TNFRSF19: variants seen among roughly 807,000 people sequenced by gnomAD.
TNFRSF19 encodes tumor necrosis factor receptor superfamily member 19.
Under a neutral mutation model 46.4 loss-of-function variants are expected in TNFRSF19, and 27 were observed. That is an observed-to-expected ratio of 0.58 (90% CI 0.43 to 0.80). The LOEUF is 0.80. Among genes scored for constraint, TNFRSF19 ranks in the 30% least tolerant of loss-of-function variants. The probability of loss-of-function intolerance (pLI) is 0.00; values close to 1 mark genes in which losing one functional copy is unlikely to be tolerated. For missense variants in TNFRSF19, 511 were observed against 530.8 expected (o/e 0.96, Z 0.37); for synonymous variants, 204 against 205.0 (o/e 1.00, Z 0.04).
intron 5 of TNFRSF19, among the ~76,000 whole-genome samples, chr13:23,637,141 T>C (rs1245710693): frequency 6.6e-6 from 1 of 152,182 alleles, no homozygotes; most frequent in Non-Finnish European, 1.5e-5. Flanking sequence ...TCATGAGTGT[T>C]TTCTATGATT....
At chr13:23,649,615 C>A (rs1014544440) in intron 5 of TNFRSF19, among the ~76,000 whole-genome samples, 10 of 151,328 alleles carry the variant, frequency 6.6e-5, no homozygotes, top group Non-Finnish European at 1.2e-4. Context: ...GTTTTTTTTC[C>A]CATAATGTTT....
intron 9 of TNFRSF19, 70 bp downstream of exon 9, chr13:23,669,167 A>G (rs770765824): frequency 2.0e-6 from 3 of 1,525,164 alleles, no homozygotes; most frequent in Non-Finnish European, 2.6e-6. Context: ...TGTTCCCAGC[A>G]TAAGATTTGG....
intron 4 of TNFRSF19, among the ~76,000 whole-genome samples, chr13:23,622,618 G>C (rs1358153493): frequency 6.6e-6 from 1 of 152,068 alleles, no homozygotes; most frequent in Non-Finnish European, 1.5e-5. Flanking sequence ...ATGTTAAGTA[G>C]TGTCTATGCT....
At chr13:23,626,119 G>T (rs1386627994) in intron 4 of TNFRSF19, among the ~76,000 whole-genome samples, 1 of 151,060 alleles carries the variant, frequency 6.6e-6, no homozygotes, top group Non-Finnish European at 1.5e-5. Flanking sequence ...TTCAATCTTT[G>T]TTTGCCCGTT....
intron 7 of TNFRSF19, 100 bp downstream of exon 7, chr13:23,660,590 T>A: frequency 1.4e-6 from 2 of 1,382,800 alleles, no homozygotes; most frequent in Non-Finnish European, 9.6e-7. Context: ...GCGAGGTGGC[T>A]GTGTTGAGTC....
chr13:23,661,372 T>A (rs912848797), intron 7 of TNFRSF19, among the ~76,000 whole-genome samples: 1 of 152,268 alleles, frequency 6.6e-6, no homozygotes, highest in Non-Finnish European at 1.5e-5. Flanking sequence ...AGACACGATC[T>A]CATCCCTTTT....
chr13:23,574,398 C>A (rs1160739928), intron 1 of TNFRSF19, among the ~76,000 whole-genome samples: 1 of 151,206 alleles, frequency 6.6e-6, no homozygotes, highest in African/African-American at 2.4e-5. Flanking sequence ...AAGAATTACA[C>A]AAAGCTGAAC....
chr13:23,575,898 T>C (rs1351837054), intron 1 of TNFRSF19, among the ~76,000 whole-genome samples: 1 of 152,186 alleles, frequency 6.6e-6, no homozygotes. Flanking sequence ...GGAAAAATAT[T>C]TTAAACAAAT....
chr13:23,637,538 A>G (rs1351039454), intron 5 of TNFRSF19, among the ~76,000 whole-genome samples: 4 of 152,238 alleles, frequency 2.6e-5, no homozygotes, highest in Non-Finnish European at 5.9e-5. Context: ...GTAAAATTAT[A>G]AGTGAATTAA....
chr13:23,590,495 C>T (rs982707512), intron 2 of TNFRSF19, among the ~76,000 whole-genome samples: 1 of 152,132 alleles, frequency 6.6e-6, no homozygotes, highest in East Asian at 1.9e-4. Flanking sequence ...CCACCACTCC[C>T]AGCTAATTTT....
intron 4 of TNFRSF19, among the ~76,000 whole-genome samples, chr13:23,618,796 T>C (rs951422451): frequency 6.6e-6 from 1 of 152,146 alleles, no homozygotes; most frequent in Non-Finnish European, 1.5e-5. Flanking sequence ...CAAAATTCAG[T>C]TGTTGCCAGT....
chr13:23,585,378 A>C (rs184924539), intron 1 of TNFRSF19: 1 of 152,344 alleles, frequency 6.6e-6, no homozygotes, highest in Admixed American at 6.5e-5. Flanking sequence ...TACACCATCA[A>C]AAATATAAAT....
At chr13:23,662,426 T>C (rs1884430058) in intron 7 of TNFRSF19, among the ~76,000 whole-genome samples, 1 of 152,262 alleles carries the variant, frequency 6.6e-6, no homozygotes, top group African/African-American at 2.4e-5. Context: ...TTGGTTACTG[T>C]GGCCTTGTAG....
intron 5 of TNFRSF19, 130 bp from the exon 6 acceptor site, chr13:23,658,920 A>T (rs1004938796): frequency 8.5e-7 from 1 of 1,183,074 alleles, no homozygotes; most frequent in Admixed American, 1.9e-5. Flanking sequence ...TGCTTGAGCC[A>T]TCTTTAAATA....
chr13:23,656,326 G>A (rs1387518606), intron 5 of TNFRSF19, among the ~76,000 whole-genome samples: 1 of 152,100 alleles, frequency 6.6e-6, no homozygotes, highest in Non-Finnish European at 1.5e-5. Flanking sequence ...TAAATCCTGA[G>A]TTACAAACCA....
rs1468614302 is a variant in TNFRSF19 at position 23,674,526 on chromosome 13, G to C, written c.*1146G>C. The stretch of plus-strand genomic sequence containing the variant: ...AGCCATCCGGTGTTGGATTTAAGAG[G>C]ACGGTGCTTCTTTCTATTAAAGTGC... On this transcript the variant is annotated 3_prime_UTR_variant, in exon 10 of 10. Coordinates refer to ENST00000248484, the MANE Select transcript of TNFRSF19 (RefSeq NM_148957.4). The C allele has an allele frequency of 6.6e-6, 1 of 152,164 alleles. No homozygotes were observed. Among genetic ancestry groups the C allele is most frequent in the Non-Finnish European group, 1.5e-5 (1 of 68,038 alleles). The allele number at this position is 152,164 out of a possible 1,614,324, so 9.4% of individuals were successfully genotyped here. A position where few individuals can be genotyped will look rare whatever the true frequency, so the allele number is the denominator to read the frequency against.
chr13:23,632,775 T>C (rs1882430056), intron 5 of TNFRSF19, among the ~76,000 whole-genome samples: 1 of 152,174 alleles, frequency 6.6e-6, no homozygotes, highest in South Asian at 2.1e-4. Flanking sequence ...AACTCATTTA[T>C]TTTTTGTTGC....
intron 5 of TNFRSF19, among the ~76,000 whole-genome samples, chr13:23,651,893 TA>T (rs34023907): frequency 0.033 from 327 of 9,974 alleles, 1 homozygote; most frequent in African/African-American, 0.1. Context: ...CATAACATGC[TA>T]AAAAAAAAAA....
chr13:23,611,756 T>C (rs1193940343), intron 3 of TNFRSF19, among the ~76,000 whole-genome samples: 1 of 152,230 alleles, frequency 6.6e-6, no homozygotes, highest in Non-Finnish European at 1.5e-5. Context: ...CTATTTTCAT[T>C]TGCTGCATGG....
Sources: gnomAD v4.1 joint callset for allele counts (sites outside exome capture counted in the v4.1 genomes callset) on GRCh38, gnomAD v4.1.1 for gene constraint, MANE v1.5 for transcripts, NCBI Gene and HGNC (gene_info 2026-07-23, HGNC 2026-07-21) for gene names.